The following LRMDA variants were observed in gnomAD, a reference collection of about 807,000 sequenced individuals.
The protein encoded by LRMDA is leucine rich melanocyte differentiation associated, also known as leucine-rich melanocyte differentiation-associated protein.
Under a neutral mutation model 29.8 loss-of-function variants are expected in LRMDA, and 18 were observed. The ratio of observed to expected loss-of-function variants is 0.60; its 90% CI spans 0.42 to 0.90. LRMDA has a LOEUF of 0.90. LRMDA is among the 40% of genes least tolerant of loss of function. LRMDA has a pLI of 0.00. For missense variants in LRMDA, 273 were observed against 273.9 expected (o/e 1.00, Z 0.02); for synonymous variants, 125 against 109.4 (o/e 1.14, Z -0.89).
chr10:75,774,972 G>T (rs1186549717), intron 2 of LRMDA, among the ~76,000 whole-genome samples: 1 of 152,176 alleles, frequency 6.6e-6, no homozygotes, highest in East Asian at 1.9e-4. Context: ...TGTGGGGGAG[G>T]ATCCCCTGGC....
chr10:76,044,736 C>T (rs993422580), intron 3 of LRMDA, among the ~76,000 whole-genome samples: 4 of 152,126 alleles, frequency 2.6e-5, no homozygotes, highest in African/African-American at 9.7e-5. Flanking sequence ...TCTAGTGTTC[C>T]TGTATGGCCA....
chr10:75,539,974 T>G (rs1364832060), intron 2 of LRMDA, among the ~76,000 whole-genome samples: 1 of 152,202 alleles, frequency 6.6e-6, no homozygotes, highest in African/African-American at 2.4e-5. Flanking sequence ...ATTAACAGAT[T>G]CACTATATGT....
At chr10:75,921,910 T>C (rs936351115) in intron 2 of LRMDA, among the ~76,000 whole-genome samples, 1 of 152,238 alleles carries the variant, frequency 6.6e-6, no homozygotes, top group African/African-American at 2.4e-5. Flanking sequence ...CTATTTTCTG[T>C]CATCTGGACT....
chr10:76,443,721 T>C (rs1482714348), intron 6 of LRMDA, among the ~76,000 whole-genome samples: 1 of 152,174 alleles, frequency 6.6e-6, no homozygotes, highest in Non-Finnish European at 1.5e-5. Context: ...GCTATATAGA[T>C]TTGTAACTTA....
intron 2 of LRMDA, among the ~76,000 whole-genome samples, chr10:75,587,215 A>G (rs187343816): frequency 1.3e-5 from 2 of 152,354 alleles, no homozygotes; most frequent in Non-Finnish European, 2.9e-5. Context: ...GATTCCATCA[A>G]TATAGAACTT....
intron 2 of LRMDA, among the ~76,000 whole-genome samples, chr10:75,626,329 G>A (rs1202689572): frequency 6.6e-6 from 1 of 152,194 alleles, no homozygotes; most frequent in Non-Finnish European, 1.5e-5. Context: ...ACAAGCTAGA[G>A]GTTTTCTTGC....
chr10:75,930,321 A>G (rs542261795), intron 2 of LRMDA, among the ~76,000 whole-genome samples: 1 of 152,176 alleles, frequency 6.6e-6, no homozygotes, highest in Non-Finnish European at 1.5e-5. Flanking sequence ...CCTTTTATAG[A>G]TACAACACTT....
intron 2 of LRMDA, among the ~76,000 whole-genome samples, chr10:75,751,463 A>C (rs1314172110): frequency 1.3e-5 from 2 of 152,164 alleles, no homozygotes; most frequent in Non-Finnish European, 2.9e-5. Flanking sequence ...ATTTGGGATA[A>C]ATTTAAATAA....
chr10:75,834,020 C>T (rs1427654231), intron 2 of LRMDA, among the ~76,000 whole-genome samples: 1 of 152,130 alleles, frequency 6.6e-6, no homozygotes, highest in Non-Finnish European at 1.5e-5. Flanking sequence ...CTGGGTCATC[C>T]TTCCTTTTTC....
intron 2 of LRMDA, among the ~76,000 whole-genome samples, chr10:75,885,302 G>T (rs994889657): frequency 1.3e-5 from 2 of 152,216 alleles, no homozygotes; most frequent in Non-Finnish European, 2.9e-5. Flanking sequence ...TCCTGAATGT[G>T]CCAGCCAGCT....
chr10:75,706,494 G>A (rs972644144), intron 2 of LRMDA, among the ~76,000 whole-genome samples: 1 of 152,138 alleles, frequency 6.6e-6, no homozygotes, highest in Non-Finnish European at 1.5e-5. Flanking sequence ...TATTCCTATA[G>A]AGAATTTTGG....
chr10:76,515,332 G>A (rs1459181782), intron 6 of LRMDA, among the ~76,000 whole-genome samples: 1 of 152,086 alleles, frequency 6.6e-6, no homozygotes, highest in African/African-American at 2.4e-5. Context: ...TTAAAGGCCA[G>A]TGTATCTATC....
chr10:76,308,379 T>C (rs1385851711), intron 5 of LRMDA, among the ~76,000 whole-genome samples: 1 of 152,190 alleles, frequency 6.6e-6, no homozygotes, highest in Non-Finnish European at 1.5e-5. Context: ...GGTTTCATCC[T>C]GGCATCTGGT....
At chr10:75,700,537 G>A (rs549503362) in intron 2 of LRMDA, among the ~76,000 whole-genome samples, 36 of 150,980 alleles carry the variant, frequency 2.4e-4, no homozygotes, top group African/African-American at 8.5e-4. Context: ...CTGGGTTCAC[G>A]CCATTTTCCT....
chr10:76,122,808 C>G (rs968838400), intron 5 of LRMDA, among the ~76,000 whole-genome samples: 1 of 152,122 alleles, frequency 6.6e-6, no homozygotes, highest in African/African-American at 2.4e-5. Flanking sequence ...AAGCCACATT[C>G]AGCTCACCCC....
chr10:75,732,611 C>T (rs1375708554), intron 2 of LRMDA, among the ~76,000 whole-genome samples: 1 of 152,126 alleles, frequency 6.6e-6, no homozygotes, highest in Non-Finnish European at 1.5e-5. Context: ...CAGCCCTGGC[C>T]CTCTCTTGTG....
intron 2 of LRMDA, among the ~76,000 whole-genome samples, chr10:75,961,101 C>T (rs953414143): frequency 6.6e-6 from 1 of 152,184 alleles, no homozygotes; most frequent in Non-Finnish European, 1.5e-5. Flanking sequence ...CTCTGGAACT[C>T]TCTCTCCCAT....
chr10:75,560,650 G>A (rs1211705901), intron 2 of LRMDA, among the ~76,000 whole-genome samples: 11 of 150,312 alleles, frequency 7.3e-5, no homozygotes, highest in Non-Finnish European at 1.3e-4. Flanking sequence ...TGCCCATTCA[G>A]TATGATATTG....
rs1361676562 is a variant in LRMDA at position 75,846,012 on chromosome 10, G to C, written c.132-189996G>C. Among the ~76,000 whole-genome samples the C allele has an allele frequency of 5.9e-5, 9 of 152,182 alleles. No individual in the cohort carries two copies. In the East Asian group the frequency reaches 1.7e-3, roughly 29 times the overall value. On this transcript the variant is annotated intron_variant, in intron 2 of 6. Coordinates refer to ENST00000611255, the MANE Select transcript of LRMDA (RefSeq NM_001305581.2). Reference sequence around the variant, plus strand: ...ATCATTGCTGCTATTGTTTTACTTTGTTGCTCTGCCTAAGGAATTCACTCC... The same window carrying C: ...ATCATTGCTGCTATTGTTTTACTTTCTTGCTCTGCCTAAGGAATTCACTCC...
Sources: gnomAD v4.1 joint callset for allele counts (sites outside exome capture counted in the v4.1 genomes callset) on GRCh38, gnomAD v4.1.1 for gene constraint, MANE v1.5 for transcripts, NCBI Gene and HGNC (gene_info 2026-07-23, HGNC 2026-07-21) for gene names.